Variants in SLC7A5 observed in about 807,000 individuals in gnomAD.
The protein encoded by SLC7A5 is solute carrier family 7 member 5, also known as large neutral amino acids transporter small subunit 1.
A neutral mutation model predicts 50.2 loss-of-function variants in SLC7A5; 23 were observed. The ratio of observed to expected loss-of-function variants is 0.46; its 90% confidence interval spans 0.33 to 0.65. SLC7A5 has a LOEUF of 0.65. Ranked by LOEUF, SLC7A5 falls within the 30% of genes least tolerant of loss-of-function variation. The probability of loss-of-function intolerance (pLI) is 0.02; values close to 1 mark genes in which losing one functional copy is unlikely to be tolerated. For missense variants in SLC7A5, 578 were observed against 684.4 expected, an observed-to-expected ratio of 0.84 and a Z score of 1.73; for synonymous variants, 393 against 330.6, an observed-to-expected ratio of 1.19 and a Z score of -2.05.
Position 87,831,595 on chromosome 16 carries a change from T to G in SLC7A5, c.*1375A>C, listed in dbSNP as rs55936694. The G allele has an allele frequency of 6.6e-6, 1 of 152,158 alleles. No individual in the cohort carries two copies. Among genetic ancestry groups the G allele is most frequent in the Non-Finnish European group, 1.5e-5 (1 of 68,078 alleles). 9.4% of individuals were successfully genotyped at this position (152,158 alleles called of 1,614,324 possible). On this transcript the variant is annotated 3_prime_UTR_variant, in exon 10 of 10. Transcript: ENST00000261622. ...TGACGCTGGACCACTTGGCTCCACCTCTGGCTGGGGAGAAGGGAAGCCCGG... is the reference window on the plus strand; with the variant it reads ...TGACGCTGGACCACTTGGCTCCACCGCTGGCTGGGGAGAAGGGAAGCCCGG...
At chr16:87,835,667 G>C (rs974651844) in intron 8 of SLC7A5, among the ~76,000 whole-genome samples, 2 of 152,036 alleles carry the variant, frequency 1.3e-5, no homozygotes, top group Non-Finnish European at 2.9e-5. Flanking sequence ...GTAGAGACGG[G>C]GTTTCACCGT....
intron 2 of SLC7A5, among the ~76,000 whole-genome samples, chr16:87,842,595 C>T (rs1396640143): frequency 6.6e-6 from 1 of 152,218 alleles, no homozygotes; most frequent in Non-Finnish European, 1.5e-5. Flanking sequence ...TGGATGCCTG[C>T]GGCTCTGCCT....
chr16:87,858,337 G>C (rs1218151838), intron 1 of SLC7A5, among the ~76,000 whole-genome samples: 2 of 152,170 alleles, frequency 1.3e-5, no homozygotes, highest in Non-Finnish European at 2.9e-5. Context: ...AGTATCTTCA[G>C]GGCACAGATG....
In SLC7A5 at chr16:87,862,021, G is replaced by A. The variant is rs1597517636; in HGVS notation, c.538+6864C>T. 6.6e-6 allele frequency among the ~76,000 whole-genome samples: 1 copy of A among 152,222 alleles called. No homozygotes were observed. Among genetic ancestry groups the A allele is most frequent in the East Asian group, 1.9e-4 (1 of 5,190 alleles). On this transcript the variant is annotated intron_variant, in intron 1 of 9. Transcript: ENST00000261622. This position sits in a 1 kb window ranked among gnomAD's most constrained non-coding sequence, Gnocchi z 5.3. ...AACACGCAGAACCTTTGCCAGCTGA[G>A]CCAGGATCCCAGCTGTGGGGGGTTG...
chr16:87,862,219 T>A lies in SLC7A5; in HGVS notation c.538+6666A>T, dbSNP rs867837655. ...TTACAGGTGCTGGATACCCCAGCGG[T>A]TGGGGGGGTGGTGCTGGACACCCAG... On this transcript the variant is annotated intron_variant, in intron 1 of 9. Transcript: ENST00000261622. The surrounding 1 kb of genome is among the most constrained non-coding windows in gnomAD (Gnocchi z 5.3). Among the ~76,000 whole-genome samples the A allele has an allele frequency of 6.6e-6, 1 of 152,056 alleles. No homozygotes were observed. Among genetic ancestry groups the A allele is most frequent in the African/African-American group, 2.4e-5 (1 of 41,374 alleles).
chr16:87,856,670 C>T (rs1026802521), intron 1 of SLC7A5, among the ~76,000 whole-genome samples: 6 of 152,228 alleles, frequency 3.9e-5, no homozygotes, highest in South Asian at 2.1e-4. Flanking sequence ...ACGCACAGGG[C>T]CCCGAACTTG....
At chr16:87,845,883 G>A (rs1331207784) in intron 2 of SLC7A5, among the ~76,000 whole-genome samples, 1 of 152,182 alleles carries the variant, frequency 6.6e-6, no homozygotes, top group African/African-American at 2.4e-5. Context: ...GAAGGCCGCG[G>A]GAAAACAAGC....
chr16:87,847,940 A>C (rs1484468260), intron 2 of SLC7A5, among the ~76,000 whole-genome samples: 3 of 152,002 alleles, frequency 2.0e-5, no homozygotes, highest in African/African-American at 7.3e-5. Context: ...GAAGTGCCCT[A>C]CTCATAGGTG....
Position 87,852,928 on chromosome 16 carries a change from C to T in SLC7A5, c.539-1079G>A, listed in dbSNP as rs1463310923. 1.3e-5 allele frequency among the ~76,000 whole-genome samples: 2 copies of T among 152,188 alleles called. No individual in the cohort carries two copies. Among genetic ancestry groups the T allele is most frequent in the African/African-American group, 4.8e-5 (2 of 41,428 alleles). ...CTGCACTACCCTTCACTCCTCTGCT[C>T]ACGAGGTTATCTGTCGCTGTCAGCA... On this transcript the variant is annotated intron_variant, in intron 1 of 9. Transcript: ENST00000261622. This position sits in a 1 kb window ranked among gnomAD's most constrained non-coding sequence, Gnocchi z 4.5.
rs747419091 is a variant in SLC7A5, at chr16:87,869,161, C to G, written c.262G>C (p.Val88Leu). 1.4e-5 allele frequency: 22 copies of G among 1,612,118 alleles called. No individual in the cohort carries two copies. The highest frequency in any genetic ancestry group is 1.8e-5 in the Non-Finnish European group (21 of 1,179,722). The change falls in exon 1 of 10, where the codon GTG becomes CTG. Residue 88 changes from valine to leucine, a missense_variant. By Grantham distance (32) the Val-to-Leu change is conservative. Coordinates refer to ENST00000261622, the MANE Select transcript of SLC7A5 (RefSeq NM_003486.7). ...EAGSPGLALV[V>L]WAACGVFSIV... Reference sequence around the variant, plus strand: ...GAGAAGACGCCGCACGCGGCCCACACCACCAGCGCCAGCCCCGGCGAGCCT... The same window carrying G: ...GAGAAGACGCCGCACGCGGCCCACAGCACCAGCGCCAGCCCCGGCGAGCCT...
chr16:87,848,020 G>C (rs575330342), intron 2 of SLC7A5, among the ~76,000 whole-genome samples: 1 of 152,266 alleles, frequency 6.6e-6, no homozygotes, highest in South Asian at 2.1e-4. Context: ...ATTCAGCCGG[G>C]GTCTGAGCCC....
intron 7 of SLC7A5, 111 bp from the exon 8 acceptor site, chr16:87,836,758 G>A: frequency 2.6e-6 from 3 of 1,170,596 alleles, no homozygotes; most frequent in Non-Finnish European, 3.7e-6. Flanking sequence ...TGAGCACCAG[G>A]GAATTTTGTT....
rs148979065 is a variant in SLC7A5 at position 87,847,307 on chromosome 16, G to A, written c.664+4417C>T. Among the ~76,000 whole-genome samples the A allele has an allele frequency of 4.0e-3, 606 of 152,318 alleles. 2 individuals are homozygous for A. The highest frequency in any genetic ancestry group is 0.011 in the South Asian group (52 of 4,830). On this transcript the variant is annotated intron_variant, in intron 2 of 9. Transcript: ENST00000261622. Reference sequence around the variant, plus strand: ...GGCATGTGCTGTGACCACTGAGGGGGCCTTTGTCAGAAACATCGTCTGGGG... The same window carrying A: ...GGCATGTGCTGTGACCACTGAGGGGACCTTTGTCAGAAACATCGTCTGGGG...
In SLC7A5 at chr16:87,861,400, A is replaced by T. The variant is rs533758590; in HGVS notation, c.538+7485T>A. On this transcript the variant is annotated intron_variant, in intron 1 of 9. Transcript: ENST00000261622. This position sits in a 1 kb window ranked among gnomAD's most constrained non-coding sequence, Gnocchi z 4.2. ...TCCCCAGACCCCTGGCACCCACCAG[A>T]CTCCCCAGGCGTGGCTTTGTGCTCC... Among the ~76,000 whole-genome samples, 52 of 151,960 alleles carry T rather than the reference A, an allele frequency of 3.4e-4. No individual in the cohort carries two copies. Among genetic ancestry groups the T allele is most frequent in the African/African-American group, 1.2e-3 (50 of 41,424 alleles).
intron 1 of SLC7A5, among the ~76,000 whole-genome samples, chr16:87,867,755 C>T (rs1393090410): frequency 6.6e-6 from 1 of 152,166 alleles, no homozygotes; most frequent in African/African-American, 2.4e-5. Context: ...GACCCACCTT[C>T]CCACGCCACC....
At chr16:87,837,707 G>A (rs968268781) in intron 7 of SLC7A5, 138 bp downstream of exon 7, 40 of 667,938 alleles carry the variant, frequency 6.0e-5, no homozygotes, top group Non-Finnish European at 7.9e-5. Context: ...GGCATTCAGC[G>A]GAGCTCGGCA....
At chr16:87,859,386 C>T (rs1265246431) in intron 1 of SLC7A5, among the ~76,000 whole-genome samples, 1 of 152,168 alleles carries the variant, frequency 6.6e-6, no homozygotes, top group East Asian at 1.9e-4. Context: ...TCCAGCAGCT[C>T]GAGAGCACAG....
At chr16:87,834,765 C>G (rs1440561431) in intron 8 of SLC7A5, 174 bp from the exon 9 acceptor site, 9 of 695,736 alleles carry the variant, frequency 1.3e-5, no homozygotes. Context: ...CCGCCCTCGA[C>G]TCTGCATACA....
chr16:87,838,334 C>A (rs2055038688), intron 6 of SLC7A5, among the ~76,000 whole-genome samples: 1 of 148,858 alleles, frequency 6.7e-6, no homozygotes. Context: ...CTTTGTCACC[C>A]AGGCTGGAGT....
Sources: gnomAD v4.1 joint callset for allele counts (sites outside exome capture counted in the v4.1 genomes callset) on GRCh38, gnomAD v4.1.1 for gene constraint, Gnocchi (gnomAD v3.1) non-coding constraint, MANE v1.5 for transcripts, NCBI Gene and HGNC (gene_info 2026-07-23, HGNC 2026-07-21) for gene names.